The following LIN37 variants were observed in gnomAD, a reference collection of about 807,000 sequenced individuals.
LIN37 encodes protein lin-37 homolog.
Under a neutral mutation model 38.0 loss-of-function variants are expected in LIN37, and 21 were observed. The ratio of observed to expected loss-of-function variants is 0.55; its 90% CI spans 0.39 to 0.80. The LOEUF is 0.80. Ranked by LOEUF, LIN37 falls within the 30% of genes least tolerant of loss-of-function variation. The pLI, the probability that LIN37 is intolerant of heterozygous loss-of-function variation, is 0.00. For missense variants in LIN37, 273 were observed against 338.5 expected (o/e 0.81, Z 1.52); for synonymous variants, 126 against 122.9 (o/e 1.03, Z -0.17).
chr19:35,748,798 G>A lies in LIN37; in HGVS notation c.34+40G>A. 3 of 1,613,594 alleles carry A rather than the reference G, an allele frequency of 1.9e-6. No homozygotes were observed. The South Asian group carries it at 3.3e-5, about 18-fold the overall frequency. ...GTCGGGGGCCTGTCGGGACCATCGG[G>A]TTGACAGGGTGTGGAGTCCCGGTGG... On this transcript the variant is annotated intron_variant, in intron 1 of 8. Coordinates refer to ENST00000301159, the MANE Select transcript of LIN37 (RefSeq NM_019104.3).
rs766790190 is a variant in LIN37 at position 35,754,289 on chromosome 19, A to G, written c.629A>G (p.Asn210Ser). 6.2e-7 allele frequency: 1 copy of G among 1,613,896 alleles called. No individual in the cohort carries two copies. Among genetic ancestry groups the G allele is most frequent in the Non-Finnish European group, 8.5e-7 (1 of 1,179,904 alleles). ...EPSPSTLIYR[N>S]MQRWKRIRQR... ...TCACCCTCCACACTCATCTATCGCA[A>G]CATGCAGCGCTGGAAACGCATCCGC... The change falls in exon 8 of 9, where the codon AAC (asparagine) becomes AGC (serine). Residue 210 changes from asparagine (N) to serine (S), a missense_variant. Physicochemically the swap from Asn to Ser is conservative, Grantham distance 46. Transcript: ENST00000301159.
At chr19:35,749,090 G>T in intron 1 of LIN37, 2 of 746,676 alleles carry the variant, frequency 2.7e-6, no homozygotes, top group Middle Eastern at 1.2e-3. Context: ...ACGGAGTATC[G>T]CTATATTGCC....
rs1158346498 is a variant in LIN37 at position 35,752,253 on chromosome 19, T to C, written c.110+2T>C. ...GCTGGAGAAGAGTCACATGGACAGG[T>C]AGGCCAGCGTGGGGTCACAGGGCCG... is the stretch of plus-strand genomic sequence containing the variant. On this transcript the variant is annotated splice_donor_variant, in intron 2 of 8. Transcript: ENST00000301159. LOFTEE classifies it high-confidence loss of function. 3 of 1,604,126 alleles carry C rather than the reference T, an allele frequency of 1.9e-6. No individual in the cohort carries two copies. The highest frequency in any genetic ancestry group is 2.6e-6 in the Non-Finnish European group (3 of 1,175,326).
intron 3 of LIN37, 125 bp downstream of exon 3, chr19:35,752,609 A>T: frequency 7.9e-7 from 1 of 1,260,320 alleles, no homozygotes; most frequent in Non-Finnish European, 1.1e-6. Flanking sequence ...ACCTGTACAA[A>T]GACCCTGTGG....
chr19:35,753,473 A>G, intron 6 of LIN37: 2 of 647,222 alleles, frequency 3.1e-6, no homozygotes, highest in South Asian at 1.7e-5. Flanking sequence ...GAGACAGGGA[A>G]CAGGGTTACC....
chr19:35,750,805 G>GA (rs1970671555), intron 1 of LIN37, among the ~76,000 whole-genome samples: 1 of 151,762 alleles, frequency 6.6e-6, no homozygotes, highest in Non-Finnish European at 1.5e-5. Context: ...ACTAAAAATA[G>GA]AAAAAATTAG....
intron 2 of LIN37, 64 bp downstream of exon 2, chr19:35,752,315 G>T (rs1970690110): frequency 6.3e-7 from 1 of 1,576,080 alleles, no homozygotes; most frequent in Non-Finnish European, 8.7e-7. Flanking sequence ...ATCCTGGGTG[G>T]ATTGGGTGGG....
chr19:35,748,922 C>G, intron 1 of LIN37, 164 bp downstream of exon 1: 4 of 1,528,554 alleles, frequency 2.6e-6, no homozygotes, highest in Non-Finnish European at 3.5e-6. Context: ...CCTTCACACC[C>G]TCCCGGTGTG....
chr19:35,748,651 C>A lies in LIN37; in HGVS notation c.-74C>A. On this transcript the variant is annotated 5_prime_UTR_variant, in exon 1 of 9. Coordinates refer to ENST00000301159, the MANE Select transcript of LIN37 (RefSeq NM_019104.3). ...CTCATCTTTGAACTGTCCCCGCCTT[C>A]TCCCGCCTTGACTTGTGACCCTAGG... The A allele has an allele frequency of 6.2e-7, 1 of 1,602,220 alleles. No individual in the cohort carries two copies. The highest frequency in any genetic ancestry group is 1.7e-5 in the Admixed American group (1 of 60,000).
In LIN37 at chr19:35,754,056, A is replaced by G. The variant is rs1377666079; in HGVS notation, c.484A>G (p.Lys162Glu). 1 of 1,613,826 alleles carries G rather than the reference A, an allele frequency of 6.2e-7. No homozygotes were observed. The highest frequency in any genetic ancestry group is 8.5e-7 in the Non-Finnish European group (1 of 1,179,862). ...CAACAGCAAGAGTCGTGATGTGTAC[A>G]AGCTGCCGCCACCCACACCCCCGGG... Reference protein sequence around the residue: ...VTNSKSRDVYKLPPPTPPGPP... With the variant: ...VTNSKSRDVYELPPPTPPGPP... The change falls in exon 7 of 9, where the codon AAG (lysine) becomes GAG (glutamate). Residue 162 changes from lysine to glutamate, a missense_variant. Coordinates refer to ENST00000301159, the MANE Select transcript of LIN37 (RefSeq NM_019104.3).
At chr19:35,750,709 T>TC (rs11463543) in intron 1 of LIN37, among the ~76,000 whole-genome samples, 152,340 of 152,346 alleles carry the variant, frequency 1, 76,167 homozygotes, top group Non-Finnish European at 1. Context: ...CTGCCTGTAA[T>TC]CCAGCACTTT....
At chr19:35,753,390 C>T in intron 6 of LIN37, 137 bp downstream of exon 6, 1 of 1,001,638 alleles carries the variant, frequency 1.0e-6, no homozygotes, top group Non-Finnish European at 1.5e-6. Flanking sequence ...AGGCTAGGCA[C>T]ACAGATGTGC....
At chr19:35,752,066 C>A in intron 1 of LIN37, 110 bp from the exon 2 acceptor site, 1 of 782,142 alleles carries the variant, frequency 1.3e-6, no homozygotes, top group Non-Finnish European at 2.1e-6. Flanking sequence ...CTGGGCCTGG[C>A]TCTGAGATTG....
At chr19:35,751,695 G>A (rs1261178257) in intron 1 of LIN37, among the ~76,000 whole-genome samples, 1 of 152,086 alleles carries the variant, frequency 6.6e-6, no homozygotes, top group African/African-American at 2.4e-5. Context: ...ACCTCTAAGG[G>A]TTATTGTGAT....
chr19:35,753,766 G>A (rs940637423), intron 6 of LIN37: 7 of 575,036 alleles, frequency 1.2e-5, no homozygotes, highest in South Asian at 2.1e-5. Context: ...GCAGGCAGAC[G>A]CGACTCCCTG....
intron 7 of LIN37, 23 bp downstream of exon 7, chr19:35,754,180 G>A (rs770065474): frequency 6.2e-7 from 1 of 1,614,006 alleles, no homozygotes; most frequent in South Asian, 1.1e-5. Context: ...GGCTGGCCCA[G>A]GGTTATGGGG....
chr19:35,754,437 G>C lies in LIN37; in HGVS notation c.704G>C (p.Ser235Thr), dbSNP rs745741550. The part of the protein sequence containing the change: ...SHRNQLRYSE[S>T]MKILREMYER... Reference sequence around the variant, plus strand: ...CGGAACCAGCTTCGTTACTCAGAAAGCATGAAGATCCTACGAGAGATGTAC... The same window carrying C: ...CGGAACCAGCTTCGTTACTCAGAAACCATGAAGATCCTACGAGAGATGTAC... The change falls in exon 9 of 9, where the codon AGC becomes ACC. Residue 235 changes from serine to threonine, a missense_variant. Physicochemically the swap from Ser to Thr is moderately conservative, Grantham distance 58. Coordinates refer to ENST00000301159, the MANE Select transcript of LIN37 (RefSeq NM_019104.3). The C allele has an allele frequency of 1.7e-5, 28 of 1,613,924 alleles. No individual in the cohort carries two copies. The highest frequency in any genetic ancestry group is 5.3e-5 in the African/African-American group (4 of 74,936).
intron 2 of LIN37, 41 bp from the exon 3 acceptor site, chr19:35,752,393 G>C: frequency 6.2e-7 from 1 of 1,611,830 alleles, no homozygotes; most frequent in Non-Finnish European, 8.5e-7. Flanking sequence ...CCTTCTCTGG[G>C]GCCCTGGAAC....
intron 2 of LIN37, 60 bp from the exon 3 acceptor site, chr19:35,752,374 C>G: frequency 6.3e-7 from 1 of 1,594,928 alleles, no homozygotes; most frequent in South Asian, 1.1e-5. Context: ...GGAGGCTGCT[C>G]GGTGCCTTCC....
Sources: allele counts gnomAD v4.1 joint callset (sites outside exome capture counted in the v4.1 genomes callset), GRCh38; gene constraint gnomAD v4.1.1; transcripts MANE v1.5; gene names NCBI Gene and HGNC (gene_info 2026-07-23, HGNC 2026-07-21).